PCSK5: variants seen among roughly 807,000 people sequenced by gnomAD.
The protein encoded by PCSK5 is proprotein convertase subtilisin/kexin type 5.
A neutral mutation model predicts 233.2 loss-of-function variants in PCSK5; 129 were observed. That is an observed-to-expected ratio of 0.55 (90% CI 0.48 to 0.64). PCSK5 has a LOEUF of 0.64. PCSK5 is among the 30% of genes least tolerant of loss of function. The pLI, the probability that PCSK5 is intolerant of heterozygous loss-of-function variation, is 0.00. For synonymous variants in PCSK5, 825 were observed against 879.2 expected, an observed-to-expected ratio of 0.94 and a Z score of 1.09; for missense variants, 2,076 against 2,430.1, an observed-to-expected ratio of 0.85 and a Z score of 3.06.
At chr9:76,185,460 A>G (rs11144784) in intron 17 of PCSK5, among the ~76,000 whole-genome samples, 10,562 of 152,202 alleles carry the variant, frequency 0.069, 450 homozygotes, top group African/African-American at 0.083. Flanking sequence ...AGTATTGATC[A>G]TATCTTTATT....
intron 27 of PCSK5, among the ~76,000 whole-genome samples, chr9:76,301,280 A>G (rs1168132482): frequency 6.6e-6 from 1 of 151,612 alleles, no homozygotes; most frequent in African/African-American, 2.4e-5. Flanking sequence ...AAAAAAAAAA[A>G]AAAGAAAGAA....
At chr9:76,015,775 C>T (rs942399054) in intron 3 of PCSK5, among the ~76,000 whole-genome samples, 4 of 152,192 alleles carry the variant, frequency 2.6e-5, no homozygotes, top group African/African-American at 9.6e-5. Flanking sequence ...TTTTCTCCTG[C>T]CCATCTGGTT....
chr9:75,987,734 C>A (rs1826582934), intron 3 of PCSK5, among the ~76,000 whole-genome samples: 1 of 152,152 alleles, frequency 6.6e-6, no homozygotes. Flanking sequence ...AAAGAGTGAA[C>A]CCCAAGGGAA....
At chr9:76,192,470 T>C (rs1455691973) in intron 20 of PCSK5, among the ~76,000 whole-genome samples, 1 of 152,224 alleles carries the variant, frequency 6.6e-6, no homozygotes, top group Non-Finnish European at 1.5e-5. Context: ...ATCAGATGCA[T>C]CTTATAATTT....
At chr9:76,308,242 C>T (rs1433402532) in intron 28 of PCSK5, among the ~76,000 whole-genome samples, 1 of 152,170 alleles carries the variant, frequency 6.6e-6, no homozygotes, top group African/African-American at 2.4e-5. Flanking sequence ...ACAATCTTGG[C>T]AATAGAAGTG....
intron 2 of PCSK5, among the ~76,000 whole-genome samples, chr9:75,939,539 C>T (rs144295391): frequency 4.6e-5 from 7 of 152,248 alleles, no homozygotes; most frequent in South Asian, 2.1e-4. Flanking sequence ...TCTTTAGTTG[C>T]TCATGGAGTT....
intron 9 of PCSK5, among the ~76,000 whole-genome samples, chr9:76,111,169 G>A (rs571408741): frequency 2.6e-4 from 39 of 152,196 alleles, no homozygotes; most frequent in South Asian, 4.2e-4. Flanking sequence ...CAGCTAGTAC[G>A]ACTCCCAGGC....
chr9:76,239,555 G>C (rs968303187), intron 23 of PCSK5, among the ~76,000 whole-genome samples: 2 of 151,860 alleles, frequency 1.3e-5, no homozygotes, highest in African/African-American at 4.8e-5. Context: ...AATTAGCCAG[G>C]CTTGGTGTTG....
chr9:75,948,011 T>A (rs907761089), intron 2 of PCSK5, among the ~76,000 whole-genome samples: 2 of 151,958 alleles, frequency 1.3e-5, no homozygotes, highest in African/African-American at 4.8e-5. Context: ...CCACTTAATT[T>A]TTTTTTTAAA....
intron 35 of PCSK5, among the ~76,000 whole-genome samples, chr9:76,343,228 G>A (rs1275143482): frequency 6.7e-6 from 1 of 149,706 alleles, no homozygotes; most frequent in Non-Finnish European, 1.5e-5. Context: ...GCGGTGGCAT[G>A]ATCTTGGCTC....
intron 30 of PCSK5, 52 bp from the exon 31 acceptor site, chr9:76,321,370 C>T: frequency 1.0e-6 from 1 of 973,874 alleles, no homozygotes; most frequent in Non-Finnish European, 1.7e-6. Flanking sequence ...AGGAATGAGT[C>T]ACTTCTCCAG....
intron 3 of PCSK5, among the ~76,000 whole-genome samples, chr9:76,020,943 G>C (rs967734523): frequency 1.7e-4 from 26 of 152,128 alleles, no homozygotes; most frequent in African/African-American, 6.0e-4. Flanking sequence ...ACCTGTCAAG[G>C]TTGCTTTGTG....
At position 76,159,039 on chromosome 9, in the gene PCSK5, A is replaced by G; in HGVS notation, c.1487A>G (p.Asp496Gly). The change falls in exon 12 of 38, where the codon GAT (aspartate) becomes GGT (glycine). Residue 496 changes from aspartate to glycine, a missense_variant. Around this residue, in one of 6 missense-constraint regions of PCSK5, gnomAD observed 64 missense variants for 68.6 expected, o/e 0.93. Coordinates refer to ENST00000674117, the MANE Select transcript of PCSK5 (RefSeq NM_001372043.1). ...ATCTACAAAGCTTCAGGCTGCTCGG[A>G]TAACCCCAACCGCCATGTCAACTAC... ...RSIYKASGCS[D>G]NPNRHVNYLE... 2 of 1,614,138 alleles carry G rather than the reference A, an allele frequency of 1.2e-6. No homozygotes were observed. Among genetic ancestry groups the G allele is most frequent in the Non-Finnish European group, 1.7e-6 (2 of 1,180,020 alleles).
chr9:76,235,720 G>T (rs1826231293), intron 22 of PCSK5, among the ~76,000 whole-genome samples: 1 of 152,192 alleles, frequency 6.6e-6, no homozygotes, highest in Non-Finnish European at 1.5e-5. Flanking sequence ...CAGAGAAGCA[G>T]CATCACTTCC....
chr9:76,163,970 C>A (rs964600651), intron 12 of PCSK5, among the ~76,000 whole-genome samples: 1 of 149,222 alleles, frequency 6.7e-6, no homozygotes, highest in Admixed American at 6.8e-5. Flanking sequence ...TGAAACTTTG[C>A]CTCCCTTTCT....
intron 1 of PCSK5, among the ~76,000 whole-genome samples, chr9:75,902,248 A>AAAAAAAAAAAAAAAAC (rs1826075863): frequency 6.8e-6 from 1 of 146,644 alleles, no homozygotes; most frequent in African/African-American, 2.6e-5. Context: ...AAAAAAGAAA[A>AAAAAAAAAAAAAAAAC]GGACAAAACA....
intron 24 of PCSK5, among the ~76,000 whole-genome samples, chr9:76,247,631 T>G (rs568448954): frequency 1.1e-4 from 17 of 152,274 alleles, no homozygotes; most frequent in African/African-American, 2.6e-4. Flanking sequence ...ACCTTTGTGG[T>G]AAGAAAATGG....
chr9:76,082,424 A>G (rs1318360196), intron 7 of PCSK5, among the ~76,000 whole-genome samples: 1 of 152,206 alleles, frequency 6.6e-6, no homozygotes, highest in Non-Finnish European at 1.5e-5. Context: ...GAAGTTTTCT[A>G]TGATTGATTC....
intron 9 of PCSK5, among the ~76,000 whole-genome samples, chr9:76,121,314 C>A (rs530771458): frequency 6.7e-6 from 1 of 148,650 alleles, no homozygotes; most frequent in African/African-American, 2.5e-5. Context: ...AATATTATTC[C>A]CTGCTTATAT....
Sources: allele counts gnomAD v4.1 joint callset (sites outside exome capture counted in the v4.1 genomes callset), GRCh38; gene constraint gnomAD v4.1.1; regional missense constraint gnomAD v4.1.1; transcripts MANE v1.5; gene names NCBI Gene and HGNC (gene_info 2026-07-23, HGNC 2026-07-21).